The following OPHN1 variants were observed in gnomAD, a reference collection of about 807,000 sequenced individuals.
OPHN1 encodes the protein oligophrenin-1.
OPHN1 carries 11 observed loss-of-function variants against 60.7 expected under a neutral mutation model. The ratio of observed to expected loss-of-function variants is 0.18; its 90% CI spans 0.11 to 0.30. OPHN1 has a LOEUF of 0.30. Ranked by LOEUF, OPHN1 falls within the 10% of genes least tolerant of loss-of-function variation. OPHN1 has a pLI of 1.00. For synonymous variants in OPHN1, 226 were observed against 222.6 expected (o/e 1.02, Z -0.14); for missense variants, 449 against 611.0 (o/e 0.73, Z 2.80).
intron 2 of OPHN1, among the ~76,000 whole-genome samples, chrX:68,357,102 T>C (rs774459815): frequency 9.0e-6 from 1 of 111,483 alleles, no homozygotes; most frequent in South Asian, 3.8e-4. Flanking sequence ...ACTCAGTGAA[T>C]TGTACAATTT....
chrX:68,352,982 T>G (rs2078420440), intron 2 of OPHN1, among the ~76,000 whole-genome samples: 1 of 108,941 alleles, frequency 9.2e-6, no homozygotes, highest in Non-Finnish European at 1.9e-5. Flanking sequence ...GAAGATCCTA[T>G]CTCTACAAAA....
At chrX:68,099,511 C>T (rs1040105806) in intron 18 of OPHN1, among the ~76,000 whole-genome samples, 41 of 111,664 alleles carry the variant, frequency 3.7e-4, no homozygotes, top group African/African-American at 1.3e-3. Flanking sequence ...ACCATTTTCC[C>T]GCCACTCACT....
intron 15 of OPHN1, among the ~76,000 whole-genome samples, chrX:68,163,158 G>T (rs1269385313): frequency 9.0e-6 from 1 of 110,990 alleles, no homozygotes; most frequent in Non-Finnish European, 1.9e-5. Flanking sequence ...ATATCTAAAG[G>T]TTGTAGTTCC....
Position 68,064,156 on chromosome X carries a change from G to A in OPHN1, c.1856C>T (p.Pro619Leu), listed in dbSNP as rs1175919760. 6 of 1,208,902 alleles carry A rather than the reference G, an allele frequency of 5.0e-6. No homozygotes were observed. In the African/African-American group the frequency reaches 5.3e-5, roughly 11 times the overall value. The change falls in exon 21 of 25, where the codon CCG (proline) becomes CTG (leucine). Residue 619 changes from proline (P) to leucine (L), a missense_variant. Physicochemically the swap from Pro to Leu is moderately conservative, Grantham distance 98 (BLOSUM62 -3). Coordinates refer to ENST00000355520, the MANE Select transcript of OPHN1 (RefSeq NM_002547.3). ...ESEDEIQHQT[P>L]NGTITSSIEP... Reference sequence around the variant, plus strand: ...TATGCTGCTGGTGATAGTACCATTCGGTGTTTGATGTTGGATTTCATCTAG... The same window carrying A: ...TATGCTGCTGGTGATAGTACCATTCAGTGTTTGATGTTGGATTTCATCTAG...
intron 4 of OPHN1, among the ~76,000 whole-genome samples, chrX:68,278,374 T>C (rs144433763): frequency 0.013 from 1,420 of 112,330 alleles, 21 homozygotes; most frequent in African/African-American, 0.043. Flanking sequence ...CTGCATTCAT[T>C]GTGTGAGCTC....
chrX:68,097,803 T>C (rs1163915542), intron 18 of OPHN1, among the ~76,000 whole-genome samples: 1 of 111,238 alleles, frequency 9.0e-6, no homozygotes, highest in African/African-American at 3.3e-5. Flanking sequence ...ACACGGCCAC[T>C]TACCAGCTGC....
chrX:68,324,986 G>A (rs751980018), intron 2 of OPHN1, among the ~76,000 whole-genome samples: 2 of 111,755 alleles, frequency 1.8e-5, no homozygotes, highest in East Asian at 5.6e-4. Flanking sequence ...GGGAGGTCAA[G>A]GCTGCAGTGA....
At chrX:68,246,624 C>T (rs1007352057) in intron 5 of OPHN1, among the ~76,000 whole-genome samples, 8 of 111,528 alleles carry the variant, frequency 7.2e-5, no homozygotes, top group African/African-American at 1.3e-4. Flanking sequence ...AAGTCAAGGA[C>T]GGTATCTTAT....
intron 5 of OPHN1, among the ~76,000 whole-genome samples, chrX:68,240,369 T>C (rs959370676): frequency 1.8e-5 from 2 of 111,823 alleles, no homozygotes; most frequent in Admixed American, 9.5e-5. Flanking sequence ...TTTCTAAGGT[T>C]AAAATTTTTG....
In OPHN1 at chrX:68,347,231, A is replaced by G. The variant is rs1394983766; in HGVS notation, c.155-48135T>C. The stretch of plus-strand genomic sequence containing the variant: ...TTCATCAGTAAAATGGGGCTGCACT[A>G]CAGAACTTCAAAGGCTCCTCTCAGT... On this transcript the variant is annotated intron_variant, in intron 2 of 24. Coordinates refer to ENST00000355520, the MANE Select transcript of OPHN1 (RefSeq NM_002547.3). Among the ~76,000 whole-genome samples the G allele has an allele frequency of 6.3e-5, 7 of 111,471 alleles. No individual in the cohort carries two copies. The East Asian group carries it at 8.5e-4, about 14-fold the overall frequency.
chrX:68,412,357 G>T (rs1460591815), intron 2 of OPHN1, among the ~76,000 whole-genome samples: 1 of 111,965 alleles, frequency 8.9e-6, no homozygotes, highest in Non-Finnish European at 1.9e-5. Flanking sequence ...TATGCTAAGT[G>T]AAATAAACCA....
At chrX:68,169,625 C>A (rs979945133) in intron 15 of OPHN1, among the ~76,000 whole-genome samples, 1 of 107,751 alleles carries the variant, frequency 9.3e-6, no homozygotes, top group Admixed American at 1.0e-4. Flanking sequence ...GAAATAACGC[C>A]ACATATCTAC....
intron 6 of OPHN1, among the ~76,000 whole-genome samples, chrX:68,224,146 C>T (rs147528419): frequency 8.9e-6 from 1 of 111,873 alleles, no homozygotes; most frequent in East Asian, 2.8e-4. Flanking sequence ...CAGCAGAATA[C>T]ACTTTCATCT....
chrX:68,113,065 A>G (rs1050479910), intron 17 of OPHN1, 116 bp downstream of exon 17: 2 of 531,669 alleles, frequency 3.8e-6, no homozygotes, highest in African/African-American at 2.3e-5. Flanking sequence ...TAATTTGTGT[A>G]TGTGTTTTAG....
At chrX:68,393,233 C>T (rs960623237) in intron 2 of OPHN1, among the ~76,000 whole-genome samples, 46 of 112,676 alleles carry the variant, frequency 4.1e-4, no homozygotes, top group African/African-American at 1.2e-3. Context: ...CAACTGCACT[C>T]CAGTCTGGGC....
At chrX:68,424,204 A>T (rs1244978602) in intron 2 of OPHN1, among the ~76,000 whole-genome samples, 1 of 111,124 alleles carries the variant, frequency 9.0e-6, no homozygotes, top group Non-Finnish European at 1.9e-5. Context: ...ATAAAAAAAA[A>T]ATCACACACT....
chrX:68,071,101 T>C (rs2076932347), intron 20 of OPHN1: 3 of 1,057,701 alleles, frequency 2.8e-6, no homozygotes, highest in Non-Finnish European at 2.6e-6. Context: ...CAGCATATTA[T>C]TGATCAGGTG....
At chrX:68,247,755 C>CA (rs61255783) in intron 5 of OPHN1, among the ~76,000 whole-genome samples, 1,512 of 51,097 alleles carry the variant, frequency 0.03, 27 homozygotes, top group East Asian at 0.063. Flanking sequence ...CCAGTCTCTA[C>CA]AAAAAAAAAA....
chrX:68,362,132 T>C (rs756551461), intron 2 of OPHN1, among the ~76,000 whole-genome samples: 8 of 112,445 alleles, frequency 7.1e-5, no homozygotes, highest in Admixed American at 1.9e-4. Context: ...TCTTATCATA[T>C]GTATGGTTTG....
Sources: gnomAD v4.1 joint callset for allele counts (sites outside exome capture counted in the v4.1 genomes callset) on GRCh38, gnomAD v4.1.1 for gene constraint, MANE v1.5 for transcripts, NCBI Gene and HGNC (gene_info 2026-07-23, HGNC 2026-07-21) for gene names.